MRTFB: variants seen among roughly 807,000 people sequenced by gnomAD.
MRTFB encodes myocardin related transcription factor B, also known as myocardin-related transcription factor B.
Under a neutral mutation model 104.2 loss-of-function variants are expected in MRTFB, and 29 were observed. That is an observed-to-expected ratio of 0.28 (90% CI 0.21 to 0.38). MRTFB has a LOEUF of 0.38. Among genes scored for constraint, MRTFB ranks in the 10% least tolerant of loss-of-function variants. The pLI is 1.00. For missense variants in MRTFB, 1,270 were observed against 1,341.6 expected (o/e 0.95, Z 0.83); for synonymous variants, 535 against 519.5 (o/e 1.03, Z -0.41).
chr16:14,192,254 G>C (rs2040220602), intron 3 of MRTFB, among the ~76,000 whole-genome samples: 1 of 151,824 alleles, frequency 6.6e-6, no homozygotes. Context: ...TAAGCCTGTA[G>C]GCTTACCTAC....
chr16:14,079,414 C>T lies in MRTFB; in HGVS notation c.-64+60C>T, dbSNP rs2034264190. 3 of 331,714 alleles carry T rather than the reference C, an allele frequency of 9.0e-6. No individual in the cohort carries two copies. The South Asian group carries it at 4.4e-4, about 48-fold the overall frequency. 20.5% of individuals were successfully genotyped at this position (331,714 alleles called of 1,614,324 possible). On this transcript the variant is annotated intron_variant, in intron 2 of 16. Coordinates refer to ENST00000571589, the MANE Select transcript of MRTFB (RefSeq NM_001308142.2). ...ACTGTAATTTCTTTCTTTCTTTTAC[C>T]TCCTCTTACAGCCTGCTTTCTTGAG... is the stretch of plus-strand genomic sequence containing the variant.
At chr16:14,056,423 T>C in the MRTFB span, among the ~76,000 whole-genome samples, 65 of 152,210 alleles carry the variant, frequency 4.3e-4, 1 homozygote, top group Admixed American at 4.3e-3. Flanking sequence ...AATCCAATAT[T>C]ACCATTAGTT....
At chr16:14,034,988 G>T in the MRTFB span, among the ~76,000 whole-genome samples, 1 of 152,168 alleles carries the variant, frequency 6.6e-6, no homozygotes, top group East Asian at 1.9e-4. Context: ...TGGTCCCGGG[G>T]AGGGTATGTC....
intron 3 of MRTFB, among the ~76,000 whole-genome samples, chr16:14,154,335 T>G (rs2038743897): frequency 6.6e-6 from 1 of 152,116 alleles, no homozygotes; most frequent in South Asian, 2.1e-4. Flanking sequence ...CTCATCTCCG[T>G]TTTTGAAAAA....
chr16:14,049,619 T>C, the MRTFB span, among the ~76,000 whole-genome samples: 13 of 152,380 alleles, frequency 8.5e-5, no homozygotes, highest in East Asian at 7.7e-4. Context: ...TGGCAGACTT[T>C]GAATATGGAT....
intron 7 of MRTFB, among the ~76,000 whole-genome samples, chr16:14,218,025 TGG>T (rs1272599744): frequency 2.0e-5 from 3 of 152,190 alleles, no homozygotes; most frequent in Admixed American, 6.5e-5. Flanking sequence ...CACCCAGTCA[TGG>T]CCCCATTTTC....
chr16:14,142,245 C>CTTT (rs71999049), intron 3 of MRTFB: 2,467 of 122,048 alleles, frequency 0.02, 180 homozygotes, highest in African/African-American at 0.073. Context: ...TCTTTTCTTT[C>CTTT]TTTTTTTTTT....
chr16:14,086,395 T>C (rs2034704891), intron 2 of MRTFB, among the ~76,000 whole-genome samples: 1 of 152,226 alleles, frequency 6.6e-6, no homozygotes, highest in Admixed American at 6.5e-5. Flanking sequence ...TATTTGCATG[T>C]ATAACGTCTT....
Position 14,131,796 on chromosome 16 carries a change from A to G in MRTFB, c.-63-8748A>G, listed in dbSNP as rs143064120. On this transcript the variant is annotated intron_variant, in intron 2 of 16. Transcript: ENST00000571589. ...TATAATTTAAAAAAAAAAAGAGAGA[A>G]TGTGGAGAAGTTGGAACCCCAACTT... 3.4e-3 allele frequency among the ~76,000 whole-genome samples: 519 copies of G among 152,200 alleles called. 3 individuals carry two copies. Among genetic ancestry groups the G allele is most frequent in the African/African-American group, 0.012 (503 of 41,544 alleles).
chr16:14,146,884 T>G (rs2038346727), intron 3 of MRTFB, among the ~76,000 whole-genome samples: 1 of 152,188 alleles, frequency 6.6e-6, no homozygotes. Context: ...AAGAGGAAAT[T>G]TCTACTTTTC....
intron 3 of MRTFB, among the ~76,000 whole-genome samples, chr16:14,196,977 T>C (rs1239830288): frequency 7.0e-6 from 1 of 142,368 alleles, no homozygotes; most frequent in Non-Finnish European, 1.5e-5. Flanking sequence ...TTTTTTTTTT[T>C]TTTTTTTTTT....
the MRTFB span, among the ~76,000 whole-genome samples, chr16:14,019,957 A>T: frequency 6.6e-6 from 1 of 152,230 alleles, no homozygotes; most frequent in South Asian, 2.1e-4. Flanking sequence ...CTATTCTTGC[A>T]AATGTTACAG....
At chr16:14,111,796 T>G (rs1393889793) in intron 2 of MRTFB, among the ~76,000 whole-genome samples, 2 of 152,194 alleles carry the variant, frequency 1.3e-5, no homozygotes, top group Non-Finnish European at 2.9e-5. Flanking sequence ...CTGGCGCCTC[T>G]TTCTACCTTT....
the MRTFB span, among the ~76,000 whole-genome samples, chr16:13,998,850 T>C: frequency 9.1e-6 from 1 of 110,392 alleles, no homozygotes; most frequent in East Asian, 2.7e-4. Context: ...CCAGCCTGAG[T>C]GACAGAGTGA....
intron 8 of MRTFB, among the ~76,000 whole-genome samples, chr16:14,227,397 A>G (rs2042055053): frequency 6.6e-6 from 1 of 152,158 alleles, no homozygotes; most frequent in Non-Finnish European, 1.5e-5. Flanking sequence ...TCCCACCATG[A>G]GTGGAAGCAG....
the MRTFB span, among the ~76,000 whole-genome samples, chr16:14,056,673 G>A: frequency 6.6e-6 from 1 of 152,280 alleles, no homozygotes; most frequent in African/African-American, 2.4e-5. Flanking sequence ...ACTGCTAGTG[G>A]AGAATCCTTG....
chr16:13,998,624 C>T, the MRTFB span, among the ~76,000 whole-genome samples: 1 of 150,310 alleles, frequency 6.7e-6, no homozygotes, highest in African/African-American at 2.5e-5. Flanking sequence ...CCAGCCTGGG[C>T]CACAGAATAA....
At chr16:14,039,529 C>T in the MRTFB span, among the ~76,000 whole-genome samples, 1 of 151,936 alleles carries the variant, frequency 6.6e-6, no homozygotes, top group Non-Finnish European at 1.5e-5. Flanking sequence ...AGTTTTATTT[C>T]CCGATTAACT....
chr16:14,249,368 A>G (rs575388747), intron 13 of MRTFB, among the ~76,000 whole-genome samples: 1 of 152,338 alleles, frequency 6.6e-6, no homozygotes, highest in East Asian at 1.9e-4. Context: ...TCATATATTA[A>G]ATTTACTGAA....
Sources: gnomAD v4.1 joint callset for allele counts (sites outside exome capture counted in the v4.1 genomes callset) on GRCh38, gnomAD v4.1.1 for gene constraint, MANE v1.5 for transcripts, NCBI Gene and HGNC (gene_info 2026-07-23, HGNC 2026-07-21) for gene names.